SEMA3C: variants seen among roughly 807,000 people sequenced by gnomAD.
The protein encoded by SEMA3C is semaphorin 3C.
Under a neutral mutation model 89.4 loss-of-function variants are expected in SEMA3C, and 47 were observed. The ratio of observed to expected loss-of-function variants is 0.53; its 90% CI spans 0.42 to 0.67. The LOEUF is 0.67. Ranked by LOEUF, SEMA3C falls within the 30% of genes least tolerant of loss-of-function variation. The probability of loss-of-function intolerance (pLI) is 0.00; values close to 1 mark genes in which losing one functional copy is unlikely to be tolerated. For missense variants in SEMA3C, 839 were observed against 929.1 expected (o/e 0.90, Z 1.26); for synonymous variants, 310 against 320.2 (o/e 0.97, Z 0.34).
In SEMA3C at chr7:80,765,112, C is replaced by G. The variant is rs1257782526; in HGVS notation, c.1443+43G>C. The G allele has an allele frequency of 2.3e-6, 3 of 1,313,148 alleles. No homozygotes were observed. In the African/African-American group the frequency reaches 4.5e-5, roughly 20 times the overall value. 81.3% of individuals were successfully genotyped at this position (1,313,148 alleles called of 1,614,324 possible). On this transcript the variant is annotated intron_variant, in intron 13 of 17. Transcript: ENST00000265361. ...GTGGCTGTAAGATTAAAGAATTCCA[C>G]TCATCATGCATGTTCTGAGATTAAT...
At chr7:80,913,830 T>C (rs951017349) in intron 2 of SEMA3C, among the ~76,000 whole-genome samples, 1 of 152,210 alleles carries the variant, frequency 6.6e-6, no homozygotes. Context: ...ACAAATGTTA[T>C]TACTCCATTA....
At chr7:80,905,894 C>G (rs1170759576) in intron 2 of SEMA3C, 3 of 1,289,364 alleles carry the variant, frequency 2.3e-6, no homozygotes, top group Non-Finnish European at 3.0e-6. Context: ...AGATGTAGCA[C>G]ACAGCATTGT....
chr7:80,866,040 A>G (rs1460282368), intron 2 of SEMA3C, among the ~76,000 whole-genome samples: 2 of 152,218 alleles, frequency 1.3e-5, no homozygotes, highest in African/African-American at 4.8e-5. Flanking sequence ...AGTATTAAAT[A>G]AGCATCGTTT....
At chr7:80,877,880 G>T (rs1223743410) in intron 2 of SEMA3C, among the ~76,000 whole-genome samples, 1 of 152,022 alleles carries the variant, frequency 6.6e-6, no homozygotes, top group Non-Finnish European at 1.5e-5. Flanking sequence ...GACTGAAGAA[G>T]GCAAAACTCC....
intron 11 of SEMA3C, among the ~76,000 whole-genome samples, chr7:80,790,694 A>G (rs1012247237): frequency 3.3e-5 from 5 of 152,194 alleles, no homozygotes; most frequent in African/African-American, 1.2e-4. Context: ...GACATATAAA[A>G]GTAGCTCCCC....
At chr7:80,879,896 C>T (rs964660622) in intron 2 of SEMA3C, among the ~76,000 whole-genome samples, 8 of 152,100 alleles carry the variant, frequency 5.3e-5, no homozygotes, top group African/African-American at 1.9e-4. Flanking sequence ...TTCTCTGTGA[C>T]GTTTATAGAA....
chr7:80,872,815 A>G (rs1791098736), intron 2 of SEMA3C, among the ~76,000 whole-genome samples: 1 of 150,736 alleles, frequency 6.6e-6, no homozygotes. Flanking sequence ...AAAAAAAAAA[A>G]AAAAAAGATT....
intron 2 of SEMA3C, among the ~76,000 whole-genome samples, chr7:80,864,030 C>CAT (rs1790866553): frequency 1.3e-5 from 2 of 151,124 alleles, no homozygotes; most frequent in South Asian, 2.1e-4. Context: ...ATATATATCA[C>CAT]ATATATATAA....
intron 13 of SEMA3C, among the ~76,000 whole-genome samples, chr7:80,761,984 G>A (rs35639438): frequency 0.11 from 16,971 of 151,280 alleles, 998 homozygotes; most frequent in Admixed American, 0.15. Context: ...AGCTACTCAG[G>A]AGGCTGAGGC....
chr7:80,914,844 C>T (rs1792232302), intron 2 of SEMA3C, among the ~76,000 whole-genome samples: 1 of 152,184 alleles, frequency 6.6e-6, no homozygotes, highest in African/African-American at 2.4e-5. Flanking sequence ...ATCATTACTT[C>T]TAGTCACTGT....
chr7:80,798,924 G>A lies in SEMA3C; in HGVS notation c.987-688C>T, dbSNP rs78296381. 5.9e-3 allele frequency among the ~76,000 whole-genome samples: 902 copies of A among 152,104 alleles called. 16 individuals carry two copies. Among genetic ancestry groups the A allele is most frequent in the East Asian group, 0.046 (236 of 5,184 alleles). ...CTCACATATTTATTTCAAATTAGAC[G>A]TCTAATGAAAAAAGGTGCATTCCCA... On this transcript the variant is annotated intron_variant, in intron 10 of 17. Transcript: ENST00000265361.
rs754981709 is a variant in SEMA3C, at chr7:80,745,263, C to G, written c.1887G>C (p.Leu629=). The G allele has an allele frequency of 6.2e-7, 1 of 1,613,964 alleles. No individual in the cohort carries two copies. Among genetic ancestry groups the G allele is most frequent in the South Asian group, 1.1e-5 (1 of 91,084 alleles). The change falls in exon 18 of 18, where the codon CTG becomes CTC. Residue 629 remains leucine (L), a synonymous_variant. Transcript: ENST00000265361. ...ERIIATSQGL[L]IRSVQGSDQG... is the part of the protein sequence containing the mutation. ...GGTCAGAACCCTGAACAGAGCGGAT[C>G]AGGAGTCCCTGTGAAGTGGCTATTA...
intron 2 of SEMA3C, among the ~76,000 whole-genome samples, chr7:80,891,426 T>G (rs763909822): frequency 6.6e-6 from 1 of 151,976 alleles, no homozygotes; most frequent in Non-Finnish European, 1.5e-5. Flanking sequence ...GAGCTTATCT[T>G]CTCCATCCCC....
At chr7:80,747,965 G>A (rs949454129) in intron 17 of SEMA3C, among the ~76,000 whole-genome samples, 1 of 151,976 alleles carries the variant, frequency 6.6e-6, no homozygotes, top group Non-Finnish European at 1.5e-5. Flanking sequence ...ATTTATTTCC[G>A]TAACACTGAT....
At chr7:80,799,678 C>T (rs1304759805) in intron 10 of SEMA3C, among the ~76,000 whole-genome samples, 4 of 151,092 alleles carry the variant, frequency 2.6e-5, no homozygotes, top group African/African-American at 9.8e-5. Flanking sequence ...CCTGTCTCTA[C>T]TAAAAATAAA....
Position 80,815,554 on chromosome 7 carries a change from C to CAAAAAAAAA in SEMA3C, c.447+2736_447+2744dup, listed in dbSNP as rs761990267. 1.4e-3 allele frequency among the ~76,000 whole-genome samples: 83 copies of CAAAAAAAAA among 58,824 alleles called. 2 individuals are homozygous for CAAAAAAAAA. Among genetic ancestry groups the CAAAAAAAAA allele is most frequent in the African/African-American group, 3.7e-3 (58 of 15,558 alleles). 38.6% of individuals were successfully genotyped at this position (58,824 alleles called of 152,430 possible). A position where few individuals can be genotyped will look rare whatever the true frequency, so the allele number is the denominator to read the frequency against. ...AAACCCAATCCTTTCTTTAAATGGG[C>CAAAAAAAAA]AAAAAAAAAAAAAAAAAAAGTAAAT... On this transcript the variant is annotated intron_variant, in intron 5 of 17. Transcript: ENST00000265361.
intron 2 of SEMA3C, among the ~76,000 whole-genome samples, chr7:80,880,088 T>C (rs1791297678): frequency 1.3e-5 from 2 of 152,166 alleles, no homozygotes; most frequent in African/African-American, 4.8e-5. Context: ...CTCTGGCTTT[T>C]TCCTCTGTCT....
At chr7:80,869,258 TTAGC>T (rs1404071330) in intron 2 of SEMA3C, among the ~76,000 whole-genome samples, 1 of 152,170 alleles carries the variant, frequency 6.6e-6, no homozygotes, top group African/African-American at 2.4e-5. Flanking sequence ...TTAGCTGTAA[TTAGC>T]TAGCAAGATG....
At chr7:80,745,870 A>C (rs1358340) in intron 17 of SEMA3C, among the ~76,000 whole-genome samples, 77,637 of 151,834 alleles carry the variant, frequency 0.51, 20,439 homozygotes, top group South Asian at 0.66. Context: ...CAATTATCCC[A>C]AAATAAACAA....
Sources: gnomAD v4.1 joint callset for allele counts (sites outside exome capture counted in the v4.1 genomes callset) on GRCh38, gnomAD v4.1.1 for gene constraint, MANE v1.5 for transcripts, NCBI Gene and HGNC (gene_info 2026-07-23, HGNC 2026-07-21) for gene names.